ZBTB7C: variants seen among roughly 807,000 people sequenced by gnomAD.
The protein encoded by ZBTB7C is zinc finger and BTB domain-containing protein 7C.
A neutral mutation model predicts 25.7 loss-of-function variants in ZBTB7C; 8 were observed. The ratio of observed to expected loss-of-function variants is 0.31; its 90% CI spans 0.18 to 0.56. The LOEUF (loss-of-function observed/expected upper bound fraction) is 0.56. ZBTB7C is among the 20% of genes least tolerant of loss of function. ZBTB7C has a pLI of 0.91. For missense variants in ZBTB7C, 824 were observed against 855.2 expected, an observed-to-expected ratio of 0.96 and a Z score of 0.46; for synonymous variants, 394 against 369.0, an observed-to-expected ratio of 1.07 and a Z score of -0.78.
intron 4 of ZBTB7C, among the ~76,000 whole-genome samples, chr18:48,035,885 A>G (rs1258686304): frequency 1.3e-5 from 2 of 152,230 alleles, no homozygotes; most frequent in South Asian, 2.1e-4. Flanking sequence ...CCTCTGCCCT[A>G]TGACCTGGAG....
chr18:48,351,861 C>G (rs571956600), intron 1 of ZBTB7C, among the ~76,000 whole-genome samples: 1 of 152,266 alleles, frequency 6.6e-6, no homozygotes, highest in East Asian at 1.9e-4. Flanking sequence ...ATCCTACCCT[C>G]GGGGAGATTT....
At chr18:48,262,975 C>A (rs2044213306) in intron 2 of ZBTB7C, among the ~76,000 whole-genome samples, 2 of 152,238 alleles carry the variant, frequency 1.3e-5, no homozygotes, top group Non-Finnish European at 1.5e-5. Context: ...CACCAGAATG[C>A]CTTCTGTGCC....
intron 3 of ZBTB7C, among the ~76,000 whole-genome samples, chr18:48,062,916 T>A (rs2144335053): frequency 6.6e-6 from 1 of 152,334 alleles, no homozygotes; most frequent in Admixed American, 6.5e-5. Flanking sequence ...GGAGCCACAG[T>A]GACTGCGCTG....
At chr18:48,391,302 GAACTC>G in intron 1 of ZBTB7C, among the ~76,000 whole-genome samples, 1 of 152,150 alleles carries the variant, frequency 6.6e-6, no homozygotes, top group African/African-American at 2.4e-5. Flanking sequence ...TTATTGTCCA[GAACTC>G]CATGAAGTTG....
chr18:48,160,191 C>A (rs2040961081), intron 3 of ZBTB7C, among the ~76,000 whole-genome samples: 1 of 152,180 alleles, frequency 6.6e-6, no homozygotes, highest in African/African-American at 2.4e-5. Flanking sequence ...CCTAGAGAAA[C>A]ATTTCGCTAG....
chr18:48,348,396 C>G (rs1367217352), intron 1 of ZBTB7C, among the ~76,000 whole-genome samples: 1 of 152,268 alleles, frequency 6.6e-6, no homozygotes, highest in African/African-American at 2.4e-5. Flanking sequence ...AAATCCTCAC[C>G]TACCTCATTC....
At chr18:48,396,276 T>C (rs1263543132) in intron 1 of ZBTB7C, among the ~76,000 whole-genome samples, 1 of 152,152 alleles carries the variant, frequency 6.6e-6, no homozygotes, top group South Asian at 2.1e-4. Flanking sequence ...TTCTTGGAAA[T>C]TATCCAGATT....
At chr18:48,331,458 G>T (rs2046340603) in intron 2 of ZBTB7C, among the ~76,000 whole-genome samples, 1 of 152,166 alleles carries the variant, frequency 6.6e-6, no homozygotes, top group Non-Finnish European at 1.5e-5. Flanking sequence ...AACAGTTCTG[G>T]AACCCAGGAT....
intron 1 of ZBTB7C, among the ~76,000 whole-genome samples, chr18:48,388,054 T>C (rs1214928674): frequency 6.6e-6 from 1 of 152,176 alleles, no homozygotes; most frequent in Non-Finnish European, 1.5e-5. Context: ...CTCGAACTCC[T>C]GACCTCAAGT....
chr18:48,116,183 AGTGG>A (rs1391351221), intron 3 of ZBTB7C, among the ~76,000 whole-genome samples: 11 of 152,022 alleles, frequency 7.2e-5, no homozygotes, highest in Non-Finnish European at 1.2e-4. Flanking sequence ...TGTCCCTGCC[AGTGG>A]GAGACTCCTC....
chr18:48,238,580 C>T (rs1381065018), intron 2 of ZBTB7C, among the ~76,000 whole-genome samples: 3 of 152,190 alleles, frequency 2.0e-5, no homozygotes, highest in East Asian at 1.9e-4. Context: ...TTTAGAGAGC[C>T]GAATGAAATA....
intron 3 of ZBTB7C, among the ~76,000 whole-genome samples, chr18:48,102,859 T>A (rs2144619889): frequency 6.6e-6 from 1 of 151,886 alleles, no homozygotes; most frequent in African/African-American, 2.4e-5. Context: ...TCACTAGATT[T>A]GCAAAAATAC....
At chr18:48,361,515 T>A (rs2047105028) in intron 1 of ZBTB7C, among the ~76,000 whole-genome samples, 1 of 152,170 alleles carries the variant, frequency 6.6e-6, no homozygotes, top group Non-Finnish European at 1.5e-5. Flanking sequence ...GGATCAGGCC[T>A]AAAACATATC....
chr18:48,367,298 A>C (rs8093971), intron 1 of ZBTB7C, among the ~76,000 whole-genome samples: 1 of 137,122 alleles, frequency 7.3e-6, no homozygotes, highest in South Asian at 2.2e-4. Flanking sequence ...GTATCTATAC[A>C]TATATGTATA....
intron 3 of ZBTB7C, among the ~76,000 whole-genome samples, chr18:48,118,611 T>G (rs1395609212): frequency 1.3e-5 from 2 of 152,226 alleles, no homozygotes; most frequent in Non-Finnish European, 2.9e-5. Context: ...GAATATTCAC[T>G]CTAGTGCCAT....
chr18:48,044,094 GGGCCAGGTTCTGTTCTGAGT>G (rs1393033317), intron 3 of ZBTB7C, among the ~76,000 whole-genome samples: 1 of 152,202 alleles, frequency 6.6e-6, no homozygotes, highest in African/African-American at 2.4e-5. Flanking sequence ...TTGGTCTGAG[GGGCCAGGTTCTGTTCTGAGT>G]GGCCCCGTTG....
chr18:48,286,160 C>A (rs1037891850), intron 2 of ZBTB7C, among the ~76,000 whole-genome samples: 1 of 151,902 alleles, frequency 6.6e-6, no homozygotes, highest in African/African-American at 2.4e-5. Flanking sequence ...GGTTTGAAGC[C>A]CAGCCTCAAA....
intron 3 of ZBTB7C, among the ~76,000 whole-genome samples, chr18:48,085,986 C>G (rs990270662): frequency 6.6e-6 from 1 of 152,232 alleles, no homozygotes; most frequent in Admixed American, 6.5e-5. Context: ...TCTCCTCTCT[C>G]CCTGAGCTGG....
At chr18:48,316,725 TGC>T (rs2144825747) in intron 2 of ZBTB7C, among the ~76,000 whole-genome samples, 1 of 152,292 alleles carries the variant, frequency 6.6e-6, no homozygotes, top group East Asian at 1.9e-4. Context: ...CAGATCCTGG[TGC>T]CATGCTTGCA....
Sources: gnomAD v4.1 joint callset for allele counts (sites outside exome capture counted in the v4.1 genomes callset) on GRCh38, gnomAD v4.1.1 for gene constraint, MANE v1.5 for transcripts, NCBI Gene and HGNC (gene_info 2026-07-23, HGNC 2026-07-21) for gene names.